Variants in ELAVL3 observed in about 807,000 individuals in gnomAD.
ELAVL3 encodes ELAV like RNA binding protein 3.
A neutral mutation model predicts 34.2 loss-of-function variants in ELAVL3; 8 were observed. That is an observed-to-expected ratio of 0.23 (90% CI 0.14 to 0.42). The LOEUF is 0.42. ELAVL3 is among the 10% of genes least tolerant of loss of function. The probability of loss-of-function intolerance (pLI) is 1.00; values close to 1 mark genes in which losing one functional copy is unlikely to be tolerated. For synonymous variants in ELAVL3, 209 were observed against 222.1 expected, an observed-to-expected ratio of 0.94 and a Z score of 0.53; for missense variants, 273 against 518.8, an observed-to-expected ratio of 0.53 and a Z score of 4.60.
chr19:11,465,715 G>A (rs1971039715), intron 3 of ELAVL3, among the ~76,000 whole-genome samples: 1 of 152,110 alleles, frequency 6.6e-6, no homozygotes, highest in Non-Finnish European at 1.5e-5. Flanking sequence ...TGGGCTTGTA[G>A]GGTCCCAGCT....
At chr19:11,475,654 C>G (rs142631120) in intron 1 of ELAVL3, among the ~76,000 whole-genome samples, 2 of 149,856 alleles carry the variant, frequency 1.3e-5, no homozygotes, top group Admixed American at 6.7e-5. Flanking sequence ...TGCTGTGTCA[C>G]CCAGGCTGCA....
At position 11,455,402 on chromosome 19, in the gene ELAVL3, G is replaced by A. The variant is rs1408912590; in HGVS notation, c.753-525C>T. On this transcript the variant is annotated intron_variant, in intron 6 of 6. Coordinates refer to ENST00000359227, the MANE Select transcript of ELAVL3 (RefSeq NM_001420.4). ...TGCAACCTCTGCCTCCTAGGTTCAA[G>A]CGATTGTCCTGCCTCAGCCTCCCGA... Among the ~76,000 whole-genome samples the A allele has an allele frequency of 4.0e-5, 6 of 151,594 alleles. 1 individual carries two copies. The highest frequency in any genetic ancestry group is 3.4e-3 in the Middle Eastern group (1 of 294).
At chr19:11,464,127 C>CTCTCTCTCTGTCTT (rs1568381909) in intron 3 of ELAVL3, among the ~76,000 whole-genome samples, 1 of 89,916 alleles carries the variant, frequency 1.1e-5, no homozygotes, top group African/African-American at 6.3e-5. Flanking sequence ...CTCTCTGTCT[C>CTCTCTCTCTGTCTT]TCTCTCTCTC....
chr19:11,475,405 A>G (rs1395757184), intron 1 of ELAVL3, among the ~76,000 whole-genome samples: 1 of 152,156 alleles, frequency 6.6e-6, no homozygotes, highest in Non-Finnish European at 1.5e-5. Context: ...CTCAGGCTCA[A>G]GTGATTCTCT....
chr19:11,454,784 G>A lies in ELAVL3; in HGVS notation c.846C>T (p.Ala282=), dbSNP rs754332681. The part of the protein sequence containing the change: ...GVGLSGGAAG[A]GWCIFVYNLS... ...GGTTGTACACGAAGATGCACCAGCC[G>A]GCGCCCGCCGCGCCCCCCGACAGGC... Residue 282 remains alanine (A), a synonymous_variant, in exon 7 of 7, where the codon GCC becomes GCT. Transcript: ENST00000359227. This position sits in a 1 kb window ranked among gnomAD's most constrained non-coding sequence, Gnocchi z 9.2. The A allele has an allele frequency of 1.2e-5, 20 of 1,612,706 alleles. No homozygotes were observed. Among genetic ancestry groups the A allele is most frequent in the East Asian group, 1.1e-4 (5 of 44,874 alleles).
At chr19:11,473,137 G>A (rs1272876716) in intron 1 of ELAVL3, among the ~76,000 whole-genome samples, 2 of 151,892 alleles carry the variant, frequency 1.3e-5, no homozygotes, top group Admixed American at 6.6e-5. Flanking sequence ...AGGCCGAGGC[G>A]TGTGGATCAC....
chr19:11,480,586 AG>A lies in ELAVL3; in HGVS notation c.9+13del. 1 of 1,499,850 alleles carries A rather than the reference AG, an allele frequency of 6.7e-7. No homozygotes were observed. Among genetic ancestry groups the A allele is most frequent in the South Asian group, 1.3e-5 (1 of 76,706 alleles). The allele number at this position is 1,499,850 out of a possible 1,614,324, so 92.9% of individuals were successfully genotyped here. A position where few individuals can be genotyped will look rare whatever the true frequency, so the allele number is the denominator to read the frequency against. On this transcript the variant is annotated intron_variant, in intron 1 of 6. Transcript: ENST00000359227. The surrounding 1 kb of genome is among the most constrained non-coding windows in gnomAD (Gnocchi z 6.8). ...CCCGTCCCGATTCCCTTTCGGCGAC[AG>A]GGGAATACCTACAGTGACCATTCTT... is the stretch of plus-strand genomic sequence containing the variant.
chr19:11,477,518 T>A (rs977088720), intron 1 of ELAVL3, among the ~76,000 whole-genome samples: 2 of 152,162 alleles, frequency 1.3e-5, no homozygotes, highest in South Asian at 2.1e-4. Flanking sequence ...CCTCCCAAAG[T>A]GCTGAGATTA....
At chr19:11,479,540 G>T (rs1341210160) in intron 1 of ELAVL3, among the ~76,000 whole-genome samples, 1 of 151,952 alleles carries the variant, frequency 6.6e-6, no homozygotes, top group Non-Finnish European at 1.5e-5. Context: ...CGGCAGGGGC[G>T]GGGGTGGAGC....
intron 6 of ELAVL3, among the ~76,000 whole-genome samples, 154 bp downstream of exon 6, chr19:11,456,956 C>T (rs900549839): frequency 1.3e-5 from 2 of 152,146 alleles, no homozygotes; most frequent in East Asian, 1.9e-4. Flanking sequence ...AGAACCACCA[C>T]GTCTGGCTTT....
rs201043909 is a variant in ELAVL3, at chr19:11,454,616, C to T, written c.1014G>A (p.Ala338=). 148 of 1,614,212 alleles carry T rather than the reference C, an allele frequency of 9.2e-5. No homozygotes were observed. In the East Asian group the frequency reaches 1.8e-3, roughly 20 times the overall value. The change falls in exon 7 of 7, where the codon GCG becomes GCA. Residue 338 remains alanine, a synonymous_variant. Transcript: ENST00000359227. The surrounding 1 kb of genome is among the most constrained non-coding windows in gnomAD (Gnocchi z 9.2). ...GFVTMTNYDE[A]AMAIASLNGY... is the part of the protein sequence containing the mutation. Reference sequence around the variant, plus strand: ...CGTTCAGGCTGGCGATGGCCATGGCCGCCTCGTCATAGTTGGTCATGGTCA... The same window carrying T: ...CGTTCAGGCTGGCGATGGCCATGGCTGCCTCGTCATAGTTGGTCATGGTCA...
At chr19:11,455,024 G>A (rs1347453331) in intron 6 of ELAVL3, 147 bp from the exon 7 acceptor site, 9 of 893,686 alleles carry the variant, frequency 1.0e-5, no homozygotes, top group East Asian at 2.4e-5. Context: ...TTAGAGACAC[G>A]GTCTCGCTCT....
rs772018129 is a variant in ELAVL3, at chr19:11,458,428, C to T, written c.487+30G>A. The T allele has an allele frequency of 2.3e-5, 37 of 1,613,424 alleles. No individual in the cohort carries two copies. The highest frequency in any genetic ancestry group is 9.3e-5 in the African/African-American group (7 of 75,048). Reference sequence around the variant, plus strand: ...CCTGACTGCCTTTGCCCAGCGCCCCCGCCAGGTGCACCCTCCCTGACTGCC... The same window carrying T: ...CCTGACTGCCTTTGCCCAGCGCCCCTGCCAGGTGCACCCTCCCTGACTGCC... On this transcript the variant is annotated intron_variant, in intron 4 of 6. Transcript: ENST00000359227. This position sits in a 1 kb window ranked among gnomAD's most constrained non-coding sequence, Gnocchi z 7.3.
At chr19:11,465,302 ACACAC>A (rs1971025487) in intron 3 of ELAVL3, among the ~76,000 whole-genome samples, 1 of 142,404 alleles carries the variant, frequency 7.0e-6, no homozygotes, top group African/African-American at 2.6e-5. Flanking sequence ...CCACACACAC[ACACAC>A]CACACACATA....
chr19:11,464,025 C>T (rs983948943), intron 3 of ELAVL3, among the ~76,000 whole-genome samples: 2 of 150,908 alleles, frequency 1.3e-5, no homozygotes, highest in Admixed American at 6.6e-5. Context: ...CCTACAGACA[C>T]ATAGGGATAT....
intron 1 of ELAVL3, among the ~76,000 whole-genome samples, chr19:11,471,894 G>A (rs1971171437): frequency 6.6e-6 from 1 of 152,226 alleles, no homozygotes; most frequent in Admixed American, 6.5e-5. Context: ...GAAGGGCTAT[G>A]TAGAGGAGAA....
rs562189948 is a variant in ELAVL3, at chr19:11,455,570, A to G, written c.753-693T>C. On this transcript the variant is annotated intron_variant, in intron 6 of 6. Coordinates refer to ENST00000359227, the MANE Select transcript of ELAVL3 (RefSeq NM_001420.4). ...CCAAAGTGCTGGGATTACAGGCATG[A>G]GCCACCGCACCCAGCCATGCCCCGC... Among the ~76,000 whole-genome samples, 3 of 151,964 alleles carry G rather than the reference A, an allele frequency of 2.0e-5. No homozygotes were observed. In the South Asian group the frequency reaches 6.2e-4, roughly 32 times the overall value.
In ELAVL3 at chr19:11,466,414, C is replaced by A; in HGVS notation, c.230-139G>T. 2 of 1,004,312 alleles carry A rather than the reference C, an allele frequency of 2.0e-6. No individual in the cohort carries two copies. Among genetic ancestry groups the A allele is most frequent in the Non-Finnish European group, 3.0e-6 (2 of 660,410 alleles). 62.2% of individuals were successfully genotyped at this position (1,004,312 alleles called of 1,614,324 possible). A position where few individuals can be genotyped will look rare whatever the true frequency, so the allele number is the denominator to read the frequency against. ...CAGATGACACCTTCGATGCTAGAGT[C>A]CCACCTGCCTCCATCGCTCCTGAGA... On this transcript the variant is annotated intron_variant, in intron 2 of 6. Transcript: ENST00000359227. This position sits in a 1 kb window ranked among gnomAD's most constrained non-coding sequence, Gnocchi z 5.0.
rs548247448 is a variant in ELAVL3 at position 11,464,685 on chromosome 19, C to A, written c.333+1487G>T. 3.0e-3 allele frequency among the ~76,000 whole-genome samples: 214 copies of A among 70,952 alleles called. 3 individuals carry two copies. Among genetic ancestry groups the A allele is most frequent in the African/African-American group, 0.011 (190 of 16,758 alleles). 46.5% of individuals were successfully genotyped at this position (70,952 alleles called of 152,430 possible). On this transcript the variant is annotated intron_variant, in intron 3 of 6. Coordinates refer to ENST00000359227, the MANE Select transcript of ELAVL3 (RefSeq NM_001420.4). ...ACACATACACACATCACACACACAC[C>A]CCCCACACACATACACCACACACAC...
Sources: gnomAD v4.1 joint callset for allele counts (sites outside exome capture counted in the v4.1 genomes callset) on GRCh38, gnomAD v4.1.1 for gene constraint, Gnocchi (gnomAD v3.1) non-coding constraint, MANE v1.5 for transcripts, NCBI Gene and HGNC (gene_info 2026-07-23, HGNC 2026-07-21) for gene names.